The following SLC36A1 variants were observed in gnomAD, a reference collection of about 807,000 sequenced individuals.
SLC36A1 encodes the protein proton-coupled amino acid transporter 1.
SLC36A1 carries 30 observed loss-of-function variants against 47.5 expected under a neutral mutation model. That is an observed-to-expected ratio of 0.63 (90% confidence interval 0.47 to 0.86). The LOEUF (loss-of-function observed/expected upper bound fraction) is 0.86. Ranked by LOEUF, SLC36A1 falls within the 40% of genes least tolerant of loss-of-function variation. The pLI is 0.00. For missense variants in SLC36A1, 517 were observed against 606.0 expected (o/e 0.85, Z 1.54); for synonymous variants, 255 against 249.7 (o/e 1.02, Z -0.20).
chr5:151,534,410 T>G, the SLC36A1 span: 1 of 1,604,966 alleles, frequency 6.2e-7, no homozygotes, highest in Non-Finnish European at 8.5e-7. Flanking sequence ...CAGACTCACC[T>G]TGGTCGGGAT....
chr5:151,534,394 C>A, the SLC36A1 span: 3 of 1,587,130 alleles, frequency 1.9e-6, no homozygotes, highest in African/African-American at 4.0e-5. Context: ...TGGCCTCAAT[C>A]CTTCTCAGAC....
At chr5:151,379,256 C>T in the SLC36A1 span, among the ~76,000 whole-genome samples, 1 of 152,256 alleles carries the variant, frequency 6.6e-6, no homozygotes, top group Non-Finnish European at 1.5e-5. Flanking sequence ...TGCTGCCTCA[C>T]TGCCTGGATA....
the SLC36A1 span, among the ~76,000 whole-genome samples, chr5:151,351,462 C>A: frequency 6.6e-6 from 1 of 151,818 alleles, no homozygotes; most frequent in African/African-American, 2.4e-5. Flanking sequence ...GGCTCTGACA[C>A]ATTTTTAGGT....
the SLC36A1 span, chr5:151,544,314 A>T: frequency 1.9e-6 from 3 of 1,614,188 alleles, no homozygotes; most frequent in East Asian, 6.7e-5. Context: ...ATTGGGAAAA[A>T]GTGGGAGGGT....
intron 9 of SLC36A1, among the ~76,000 whole-genome samples, chr5:151,477,248 T>C (rs1177794362): frequency 6.6e-6 from 1 of 152,174 alleles, no homozygotes; most frequent in Non-Finnish European, 1.5e-5. Context: ...TTGAAATGCT[T>C]CCTGAAAGGG....
At chr5:151,379,856 T>C in the SLC36A1 span, among the ~76,000 whole-genome samples, 11 of 152,294 alleles carry the variant, frequency 7.2e-5, no homozygotes, top group Non-Finnish European at 1.6e-4. Context: ...TTTCAAGCGC[T>C]CAATGTGGCT....
At chr5:151,420,178 G>A in the SLC36A1 span, among the ~76,000 whole-genome samples, 77,153 of 152,008 alleles carry the variant, frequency 0.51, 21,634 homozygotes, top group African/African-American at 0.76. Flanking sequence ...AAAATCATGT[G>A]CCAACTCGTT....
chr5:151,391,615 C>T, the SLC36A1 span, among the ~76,000 whole-genome samples: 1 of 152,018 alleles, frequency 6.6e-6, no homozygotes, highest in South Asian at 2.1e-4. Flanking sequence ...GCATGAAGGG[C>T]TGTTGAATTT....
intron 10 of SLC36A1, chr5:151,480,272 G>T: frequency 2.3e-5 from 10 of 431,500 alleles, no homozygotes; most frequent in South Asian, 2.0e-4. Flanking sequence ...CCTCTTTTTG[G>T]CTCTATTTGG....
At chr5:151,346,971 G>T in the SLC36A1 span, among the ~76,000 whole-genome samples, 1 of 152,072 alleles carries the variant, frequency 6.6e-6, no homozygotes, top group Non-Finnish European at 1.5e-5. Flanking sequence ...TCTTAACATC[G>T]CTGGCCAGGA....
the SLC36A1 span, among the ~76,000 whole-genome samples, chr5:151,502,298 T>A: frequency 1.5e-5 from 2 of 137,848 alleles, no homozygotes; most frequent in Admixed American, 6.8e-5. Flanking sequence ...GGCAACAGAG[T>A]GAGACTCTGT....
At chr5:151,543,646 G>A in the SLC36A1 span, 1 of 1,614,142 alleles carries the variant, frequency 6.2e-7, no homozygotes, top group Non-Finnish European at 8.5e-7. Context: ...TCCAACCATT[G>A]CATTCTCTGC....
chr5:151,539,391 C>T, the SLC36A1 span, among the ~76,000 whole-genome samples: 1 of 152,132 alleles, frequency 6.6e-6, no homozygotes, highest in Non-Finnish European at 1.5e-5. Flanking sequence ...TATGCAAATG[C>T]ATATGTAAGT....
At chr5:151,525,892 G>C in the SLC36A1 span, 73 of 1,614,070 alleles carry the variant, frequency 4.5e-5, no homozygotes, top group Non-Finnish European at 5.8e-5. Flanking sequence ...AAACGAGTAG[G>C]GGGGGCCATT....
At chr5:151,425,415 G>A in the SLC36A1 span, 1 of 152,356 alleles carries the variant, frequency 6.6e-6, no homozygotes, top group Admixed American at 6.5e-5. Flanking sequence ...GGAAGAGAAG[G>A]AAGGCAAGAG....
the SLC36A1 span, chr5:151,550,749 T>C: frequency 7.4e-6 from 12 of 1,614,154 alleles, no homozygotes; most frequent in South Asian, 1.1e-5. Flanking sequence ...TGTCTTGATC[T>C]ATGGCCTGGA....
At chr5:151,532,048 A>T in the SLC36A1 span, 1 of 1,552,892 alleles carries the variant, frequency 6.4e-7, no homozygotes, top group Non-Finnish European at 8.7e-7. Flanking sequence ...CTGCAGCCAC[A>T]GGAGGGGCTG....
chr5:151,398,529 C>A, the SLC36A1 span, among the ~76,000 whole-genome samples: 1 of 152,112 alleles, frequency 6.6e-6, no homozygotes, highest in Non-Finnish European at 1.5e-5. Context: ...ACTGAAGAAA[C>A]CTGTTTCCTT....
At chr5:151,434,588 A>T (rs940611736), upstream of SLC36A1, among the ~76,000 whole-genome samples, 1 of 152,290 alleles carries the variant, frequency 6.6e-6, no homozygotes, top group East Asian at 1.9e-4. Flanking sequence ...AGAGAATAGA[A>T]TGAAAGACCT....
Sources: allele counts gnomAD v4.1 joint callset (sites outside exome capture counted in the v4.1 genomes callset), GRCh38; gene constraint gnomAD v4.1.1; transcripts MANE v1.5; gene names NCBI Gene and HGNC (gene_info 2026-07-23, HGNC 2026-07-21).